The following CROCC variants were observed in gnomAD, a reference collection of about 807,000 sequenced individuals.
CROCC encodes rootletin.
CROCC carries 180 observed loss-of-function variants against 245.2 expected under a neutral mutation model. The observed-to-expected ratio is 0.73, with a 90% CI of 0.65 to 0.83. The LOEUF (loss-of-function observed/expected upper bound fraction) is 0.83. Ranked by LOEUF, CROCC falls within the 40% of genes least tolerant of loss-of-function variation. The pLI is 0.00. For synonymous variants in CROCC, 1,205 were observed against 1,241.6 expected (o/e 0.97, Z 0.62); for missense variants, 2,688 against 2,779.4 (o/e 0.97, Z 0.74).
rs774725309 is a variant in CROCC at position 16,946,903 on chromosome 1, G to A, written c.2426G>A (p.Arg809Gln). ...VARQGLEGSLRVAEQAQEALE... is the reference protein window; with the variant it reads ...VARQGLEGSLQVAEQAQEALE... ...CGGCAGGGCCTGGAGGGCTCCCTAC[G>A]AGTGGCGGAGCAGGCCCAGGAGGCA... The change falls in exon 17 of 37, where the codon CGA becomes CAA. Residue 809 changes from arginine to glutamine, a missense_variant. Physicochemically the swap from Arg to Gln is conservative, Grantham distance 43. This residue lies in a region of CROCC where 295 missense variants were observed against 241.7 expected (regional missense o/e 1.22). Transcript: ENST00000375541. 45 of 1,563,762 alleles carry A rather than the reference G, an allele frequency of 2.9e-5. No homozygotes were observed. The highest frequency in any genetic ancestry group is 5.7e-5 in the Admixed American group (3 of 52,250).
Position 16,965,805 on chromosome 1 carries a change from C to G in CROCC, c.4488C>G (p.Ser1496=), listed in dbSNP as rs755272695. 5.6e-6 allele frequency: 9 copies of G among 1,613,688 alleles called. No homozygotes were observed. The highest frequency in any genetic ancestry group is 7.6e-6 in the Non-Finnish European group (9 of 1,180,040). The change falls in exon 28 of 37, where the codon TCC becomes TCG. Residue 1496 remains serine (S), a synonymous_variant. Coordinates refer to ENST00000375541, the MANE Select transcript of CROCC (RefSeq NM_014675.5). The part of the protein sequence containing the change: ...SQPPSPGPAT[S]PASPDLDPEA... ...CACCATCTCCAGGACCTGCCACCTC[C>G]CCAGCCTCTCCAGACCTGGACCCGG...
chr1:16,944,168 G>T lies in CROCC; in HGVS notation c.1877G>T (p.Arg626Leu), dbSNP rs748902435. The change falls in exon 14 of 37, where the codon CGG (arginine) becomes CTG (leucine). Residue 626 changes from arginine (R) to leucine (L), a missense_variant. Transcript: ENST00000375541. ...QQQAEELRQE[R>L]EKLQAAQEEL... The stretch of plus-strand genomic sequence containing the variant: ...CAGGCCGAGGAGCTGCGGCAGGAGC[G>T]GGAGAAGCTGCAGGCTGCCCAGGAG... 6 of 1,555,928 alleles carry T rather than the reference G, an allele frequency of 3.9e-6. No homozygotes were observed. The African/African-American group carries it at 8.1e-5, about 21-fold the overall frequency.
rs941537212 is a variant in CROCC, at chr1:16,972,958, TAA to T, written c.*517_*518del. ...GTTTTTTGTAACAAAACCTTGTTTT[TAA>T]AAAAGTTTGTACAGCTGTGTCCCTT... On this transcript the variant is annotated 3_prime_UTR_variant, in exon 37 of 37. Transcript: ENST00000375541. 3 of 152,288 alleles carry T rather than the reference TAA, an allele frequency of 2.0e-5. No individual in the cohort carries two copies. Among genetic ancestry groups the T allele is most frequent in the African/African-American group, 7.2e-5 (3 of 41,444 alleles). 9.4% of individuals were successfully genotyped at this position (152,288 alleles called of 1,614,324 possible).
rs541902371 is a variant in CROCC, at chr1:16,946,964, C to T, written c.2487C>T (p.Arg829=). 3 of 1,555,020 alleles carry T rather than the reference C, an allele frequency of 1.9e-6. No homozygotes were observed. The highest frequency in any genetic ancestry group is 1.9e-5 in the Admixed American group (1 of 51,488). Residue 829 remains arginine, a synonymous_variant, in exon 17 of 37, where the codon CGC becomes CGT. Coordinates refer to ENST00000375541, the MANE Select transcript of CROCC (RefSeq NM_014675.5). Reference sequence around the variant, plus strand: ...AGCTCCCCACGCTGCGCCATGAGCGCAGCCAGCTGCAGGAGCAGCTAGCGC... The same window carrying T: ...AGCTCCCCACGCTGCGCCATGAGCGTAGCCAGCTGCAGGAGCAGCTAGCGC... The part of the protein sequence containing the change: ...EQQLPTLRHE[R]SQLQEQLAQL...
intron 21 of CROCC, 74 bp downstream of exon 21, chr1:16,953,555 C>G (rs565349080): frequency 3.1e-4 from 438 of 1,412,306 alleles, no homozygotes; most frequent in South Asian, 1.1e-4. Flanking sequence ...TGCTCTGCCA[C>G]TTGGCAGCTA....
At chr1:16,916,872 C>A (rs1407807726) in intron 1 of CROCC, among the ~76,000 whole-genome samples, 1 of 152,292 alleles carries the variant, frequency 6.6e-6, no homozygotes, top group Non-Finnish European at 1.5e-5. Flanking sequence ...AATCCCAGCA[C>A]TTTGAGAGGC....
At chr1:16,945,675 GCA>G (rs2076029931) in intron 15 of CROCC, 69 bp downstream of exon 15, 1 of 1,500,566 alleles carries the variant, frequency 6.7e-7, no homozygotes, top group African/African-American at 1.4e-5. Flanking sequence ...TGTCACTCTG[GCA>G]CAGACTGGTC....
upstream of CROCC, among the ~76,000 whole-genome samples, chr1:16,918,759 CAG>C (rs2075343811): frequency 7.7e-6 from 1 of 129,790 alleles, no homozygotes; most frequent in Non-Finnish European, 1.6e-5. Flanking sequence ...TTTTTTGAGA[CAG>C]AGTCTCTCTC....
chr1:16,951,802 C>T (rs908882949), intron 20 of CROCC: 2 of 155,574 alleles, frequency 1.3e-5, no homozygotes, highest in African/African-American at 4.8e-5. Context: ...TGCATGGCTC[C>T]AGGGCATGCC....
rs1224435014 is a variant in CROCC at position 16,930,279 on chromosome 1, C to G, written c.622-7C>G. The G allele has an allele frequency of 6.2e-7, 1 of 1,600,708 alleles. No individual in the cohort carries two copies. The highest frequency in any genetic ancestry group is 1.1e-5 in the South Asian group (1 of 89,140). On this transcript the variant is annotated splice_polypyrimidine_tract_variant and splice_region_variant and intron_variant, in intron 5 of 36. Coordinates refer to ENST00000375541, the MANE Select transcript of CROCC (RefSeq NM_014675.5). ...CAACCTGATGCTTTAACCTCTCTCC[C>G]ACCCAGGACACAGAGCACAGCCAAG...
rs576783785 is a variant in CROCC at position 16,961,143 on chromosome 1, C to T, written c.4405+13C>T. 3 of 1,311,288 alleles carry T rather than the reference C, an allele frequency of 2.3e-6. No homozygotes were observed. Among genetic ancestry groups the T allele is most frequent in the Admixed American group, 4.1e-5 (1 of 24,152 alleles). The allele number at this position is 1,311,288 out of a possible 1,614,324, so 81.2% of individuals were successfully genotyped here. On this transcript the variant is annotated intron_variant, in intron 27 of 36. Coordinates refer to ENST00000375541, the MANE Select transcript of CROCC (RefSeq NM_014675.5). ...GCACCCGCAGAAGGTAAGGGCAGTG[C>T]CGCGCGCAGGGAAGGGGGGAGGTGG...
At position 16,960,779 on chromosome 1, in the gene CROCC, C is replaced by T. The variant is rs2076317646; in HGVS notation, c.4054C>T (p.Leu1352=). Residue 1352 remains leucine, a synonymous_variant, in exon 27 of 37, where the codon CTG becomes TTG. Coordinates refer to ENST00000375541, the MANE Select transcript of CROCC (RefSeq NM_014675.5). ...RQELQVAQRK[L]QEQEGEFRTR... ...CCAGCTCCAGGTAGCCCAGCGGAAG[C>T]TGCAGGAACAAGAAGGCGAGTTCCG... 2.6e-6 allele frequency: 4 copies of T among 1,540,078 alleles called. No homozygotes were observed. Among genetic ancestry groups the T allele is most frequent in the East Asian group, 5.0e-5 (2 of 40,210 alleles).
At chr1:16,959,523 G>A (rs2076296966) in intron 26 of CROCC, among the ~76,000 whole-genome samples, 1 of 152,178 alleles carries the variant, frequency 6.6e-6, no homozygotes, top group African/African-American at 2.4e-5. Context: ...ATGAGAGATG[G>A]GCTAGCACAG....
Position 16,958,600 on chromosome 1 carries a change from T to G in CROCC, c.3882T>G (p.Ser1294Arg). The G allele has an allele frequency of 1.3e-6, 2 of 1,553,248 alleles. No homozygotes were observed. Among genetic ancestry groups the G allele is most frequent in the South Asian group, 1.2e-5 (1 of 84,212 alleles). ...ELRRQMKMLD[S>R]ENTRLGRELA... ...TCTCACAGATGAAGATGCTGGACAG[T>G]GAGAACACCAGACTGGGCCGGGAGC... The change falls in exon 26 of 37, where the codon AGT becomes AGG. Residue 1294 changes from serine to arginine, a missense_variant. Around this residue, in one of 9 missense-constraint regions of CROCC, gnomAD observed 1,218 missense variants for 1,286.3 expected, o/e 0.95. Transcript: ENST00000375541.
Position 16,954,822 on chromosome 1 carries a change from G to C in CROCC, c.3410G>C (p.Arg1137Thr). Reference sequence around the variant, plus strand: ...GCGGCCCACGCCCAGGAGGTGAGGAGGCTGCAAGAGCAGGCCCGAGACCTG... The same window carrying C: ...GCGGCCCACGCCCAGGAGGTGAGGACGCTGCAAGAGCAGGCCCGAGACCTG... ...AAAAHAQEVRRLQEQARDLGK... is the reference protein window; with the variant it reads ...AAAAHAQEVRTLQEQARDLGK... Residue 1137 changes from arginine to threonine, a missense_variant, in exon 23 of 37, where the codon AGG (arginine) becomes ACG (threonine). Transcript: ENST00000375541. The surrounding 1 kb of genome is among the most constrained non-coding windows in gnomAD (Gnocchi z 4.4). The C allele has an allele frequency of 6.4e-7, 1 of 1,551,506 alleles. No individual in the cohort carries two copies. The highest frequency in any genetic ancestry group is 8.7e-7 in the Non-Finnish European group (1 of 1,147,202).
chr1:16,967,964 G>A (rs1313674978), intron 30 of CROCC, among the ~76,000 whole-genome samples: 1 of 152,174 alleles, frequency 6.6e-6, no homozygotes, highest in African/African-American at 2.4e-5. Context: ...GGCAGTCCTG[G>A]GTTCCACAGC....
At chr1:16,937,028 C>T (rs2075806459) in intron 9 of CROCC, among the ~76,000 whole-genome samples, 155 bp downstream of exon 9, 1 of 152,278 alleles carries the variant, frequency 6.6e-6, no homozygotes, top group South Asian at 2.1e-4. Flanking sequence ...AGGCACTTGC[C>T]CAGTGTTTAT....
intron 3 of CROCC, among the ~76,000 whole-genome samples, chr1:16,928,521 G>A (rs2075588283): frequency 6.6e-6 from 1 of 152,126 alleles, no homozygotes; most frequent in Non-Finnish European, 1.5e-5. Context: ...ATGGAGTCTT[G>A]GGCCGGATGC....
Position 16,960,949 on chromosome 1 carries a change from C to T in CROCC, c.4224C>T (p.Ala1408=), listed in dbSNP as rs888893439. 1.3e-5 allele frequency: 18 copies of T among 1,411,462 alleles called. No homozygotes were observed. Among genetic ancestry groups the T allele is most frequent in the African/African-American group, 7.5e-5 (5 of 66,266 alleles). 87.4% of individuals were successfully genotyped at this position (1,411,462 alleles called of 1,614,324 possible). A position where few individuals can be genotyped will look rare whatever the true frequency, so the allele number is the denominator to read the frequency against. Residue 1408 remains alanine (A), a synonymous_variant, in exon 27 of 37, where the codon GCC becomes GCT. Coordinates refer to ENST00000375541, the MANE Select transcript of CROCC (RefSeq NM_014675.5). ...AGCTGGGCCTGCGGCTGAGCGCAGCCGAGGGCCGGGCACAAGGCCTGGAGG... is the reference window on the plus strand; with the variant it reads ...AGCTGGGCCTGCGGCTGAGCGCAGCTGAGGGCCGGGCACAAGGCCTGGAGG... The part of the protein sequence containing the change: ...AAELGLRLSA[A]EGRAQGLEAE...
Sources: allele counts gnomAD v4.1 joint callset (sites outside exome capture counted in the v4.1 genomes callset), GRCh38; gene constraint gnomAD v4.1.1; regional missense constraint gnomAD v4.1.1; non-coding constraint Gnocchi (gnomAD v3.1); transcripts MANE v1.5; gene names NCBI Gene and HGNC (gene_info 2026-07-23, HGNC 2026-07-21).